The following SIK2 variants were observed in gnomAD, a reference collection of about 807,000 sequenced individuals.
SIK2 encodes the protein serine/threonine-protein kinase SIK2.
A neutral mutation model predicts 103.2 loss-of-function variants in SIK2; 29 were observed. That is an observed-to-expected ratio of 0.28 (90% CI 0.21 to 0.38). The LOEUF (loss-of-function observed/expected upper bound fraction) is 0.38, where lower values mean the gene tolerates loss of function less well. SIK2 is among the 10% of genes least tolerant of loss of function. SIK2 has a pLI of 1.00. For missense variants in SIK2, 879 were observed against 1,171.0 expected, an observed-to-expected ratio of 0.75 and a Z score of 3.64; for synonymous variants, 412 against 446.1, an observed-to-expected ratio of 0.92 and a Z score of 0.96.
At chr11:111,677,586 A>ATTTTT (rs11384906) in intron 3 of SIK2, among the ~76,000 whole-genome samples, 8 of 110,936 alleles carry the variant, frequency 7.2e-5, no homozygotes, top group African/African-American at 2.5e-4. Flanking sequence ...CCCAGCTAAA[A>ATTTTT]TTTTTTTTTT....
Position 111,727,853 on chromosome 11 carries a change from G to C in SIK2, c.*3724G>C, listed in dbSNP as rs547033191. 6.6e-6 allele frequency: 1 copy of C among 152,296 alleles called. No individual in the cohort carries two copies. The highest frequency in any genetic ancestry group is 2.4e-5 in the African/African-American group (1 of 41,454). 9.4% of individuals were successfully genotyped at this position (152,296 alleles called of 1,614,324 possible). On this transcript the variant is annotated 3_prime_UTR_variant, in exon 15 of 15. Transcript: ENST00000304987. ...TGGAGACATGCGGGCAGTTGAGGAT[G>C]CAAGGACACAGTGAGTGAGTGGCGC...
intron 3 of SIK2, among the ~76,000 whole-genome samples, chr11:111,667,352 A>G (rs1942558690): frequency 6.6e-6 from 1 of 152,194 alleles, no homozygotes; most frequent in African/African-American, 2.4e-5. Flanking sequence ...TGTGTGATGA[A>G]AAGGCAGTCT....
chr11:111,693,529 G>A (rs375146730), intron 4 of SIK2, among the ~76,000 whole-genome samples: 7 of 152,122 alleles, frequency 4.6e-5, no homozygotes, highest in Non-Finnish European at 1.0e-4. Flanking sequence ...TTTGGCCCTG[G>A]CTGTTCAGGC....
Position 111,722,525 on chromosome 11 carries a change from G to A in SIK2, c.2056-140G>A, listed in dbSNP as rs532099942. 69 of 775,416 alleles carry A rather than the reference G, an allele frequency of 8.9e-5. No individual in the cohort carries two copies. In the African/African-American group the frequency reaches 1.1e-3, roughly 13 times the overall value. 48.0% of individuals were successfully genotyped at this position (775,416 alleles called of 1,614,324 possible). A position where few individuals can be genotyped will look rare whatever the true frequency, so the allele number is the denominator to read the frequency against. On this transcript the variant is annotated intron_variant, in intron 13 of 14. Coordinates refer to ENST00000304987, the MANE Select transcript of SIK2 (RefSeq NM_015191.3). The surrounding 1 kb of genome is among the most constrained non-coding windows in gnomAD (Gnocchi z 4.4). ...GCCCGATGCTCTTTCAGGGTCTCAG[G>A]GAGTAAATGTCAGTCCCTTCACCCC...
At chr11:111,712,102 TATTC>T (rs1420876869) in intron 8 of SIK2, 105 bp from the exon 9 acceptor site, 4 of 1,146,918 alleles carry the variant, frequency 3.5e-6, no homozygotes, top group Non-Finnish European at 5.0e-6. Context: ...AATAAATAAA[TATTC>T]ATTCTTTAAT....
Position 111,720,998 on chromosome 11 carries a change from A to G in SIK2, c.1880A>G (p.Glu627Gly), listed in dbSNP as rs1315633023. ...TTGTTGTATGAACAAATAGGACCGGAGGCAGACCCTAACCTGGCGCCGGCG... is the reference window on the plus strand; with the variant it reads ...TTGTTGTATGAACAAATAGGACCGGGGGCAGACCCTAACCTGGCGCCGGCG... ...VQLLYEQIGP[E>G]ADPNLAPAAP... Residue 627 changes from glutamate to glycine, a missense_variant, in exon 12 of 15, where the codon GAG becomes GGG. By Grantham distance (98) the Glu-to-Gly change is moderately conservative. Around this residue, in one of 7 missense-constraint regions of SIK2, gnomAD observed 375 missense variants for 416.3 expected, o/e 0.90. Transcript: ENST00000304987. The G allele has an allele frequency of 1.2e-6, 2 of 1,614,100 alleles. No homozygotes were observed. The highest frequency in any genetic ancestry group is 1.3e-5 in the African/African-American group (1 of 74,918).
At chr11:111,714,852 G>A (rs185576441) in intron 9 of SIK2, among the ~76,000 whole-genome samples, 1 of 152,262 alleles carries the variant, frequency 6.6e-6, no homozygotes, top group Admixed American at 6.5e-5. Context: ...TCTGTCTGTG[G>A]TTGCTACTAC....
At position 111,718,476 on chromosome 11, in the gene SIK2, G is replaced by A. The variant is rs147403657; in HGVS notation, c.1267-1299G>A. Among the ~76,000 whole-genome samples, 760 of 152,262 alleles carry A rather than the reference G, an allele frequency of 5.0e-3. 9 individuals carry two copies. The highest frequency in any genetic ancestry group is 0.017 in the African/African-American group (705 of 41,530). The stretch of plus-strand genomic sequence containing the variant: ...TTACCACTCTTCCTCTTAAATGACC[G>A]CTCATCGCTTTAAAACCCTGTAATG... On this transcript the variant is annotated intron_variant, in intron 9 of 14. Coordinates refer to ENST00000304987, the MANE Select transcript of SIK2 (RefSeq NM_015191.3).
intron 3 of SIK2, among the ~76,000 whole-genome samples, chr11:111,684,392 T>C (rs141568266): frequency 1.3e-5 from 2 of 152,178 alleles, no homozygotes; most frequent in Admixed American, 6.5e-5. Context: ...GCCAAAAATC[T>C]CAAAAATCTT....
intron 1 of SIK2, among the ~76,000 whole-genome samples, chr11:111,603,873 T>G (rs1203868500): frequency 6.6e-6 from 1 of 152,240 alleles, no homozygotes; most frequent in Non-Finnish European, 1.5e-5. Context: ...GTAGGACTTC[T>G]TTTCAGAATG....
chr11:111,614,954 C>T (rs1014295707), intron 1 of SIK2, among the ~76,000 whole-genome samples: 1 of 151,974 alleles, frequency 6.6e-6, no homozygotes, highest in Non-Finnish European at 1.5e-5. Flanking sequence ...GCCTGGCCAA[C>T]GTGGTGAAAC....
In SIK2 at chr11:111,723,704, C is replaced by A. The variant is rs1476387695; in HGVS notation, c.2356C>A (p.Gln786Lys). Residue 786 changes from glutamine to lysine, a missense_variant, in exon 15 of 15, where the codon CAA becomes AAA. By Grantham distance (53) the Gln-to-Lys change is moderately conservative (BLOSUM62 1). Around this residue, in one of 7 missense-constraint regions of SIK2, gnomAD observed 375 missense variants for 416.3 expected, o/e 0.90. Transcript: ENST00000304987. ...PVLEPSSEQM[Q>K]YSPFLSQYQE... The stretch of plus-strand genomic sequence containing the variant: ...CCTGGAGCCTTCCTCCGAGCAGATG[C>A]AATACAGCCCTTTCCTCAGCCAGTA... 3 of 1,614,054 alleles carry A rather than the reference C, an allele frequency of 1.9e-6. No individual in the cohort carries two copies. Among genetic ancestry groups the A allele is most frequent in the Non-Finnish European group, 2.5e-6 (3 of 1,180,036 alleles).
At chr11:111,606,393 T>C (rs1487641962) in intron 1 of SIK2, among the ~76,000 whole-genome samples, 1 of 152,104 alleles carries the variant, frequency 6.6e-6, no homozygotes, top group East Asian at 1.9e-4. Flanking sequence ...CTTAACATTA[T>C]GGCACTAGTC....
intron 3 of SIK2, among the ~76,000 whole-genome samples, chr11:111,660,177 T>C (rs148863848): frequency 3.0e-3 from 451 of 152,206 alleles, no homozygotes; most frequent in African/African-American, 0.01. Flanking sequence ...TACCCATCAC[T>C]GGCCAGGGGG....
rs377711516 is a variant in SIK2, at chr11:111,723,795, C to T, written c.2447C>T (p.Thr816Met). The change falls in exon 15 of 15, where the codon ACG becomes ATG. Residue 816 changes from threonine to methionine, a missense_variant. By Grantham distance (81) the Thr-to-Met change is moderately conservative. This residue lies in a region of SIK2 where 375 missense variants were observed against 416.3 expected (regional missense o/e 0.90). Transcript: ENST00000304987. ...CCCCGGGCTGCTCCTCCTCTGCCCA[C>T]GCAGCTACAGCAGCAGCAGCCGCCA... ...SGPRAAPPLP[T>M]QLQQQQPPPP... The T allele has an allele frequency of 2.1e-4, 332 of 1,613,916 alleles. 6 individuals are homozygous for T. The South Asian group carries it at 3.2e-3, about 16-fold the overall frequency.
At chr11:111,612,863 G>A (rs1416126925) in intron 1 of SIK2, among the ~76,000 whole-genome samples, 3 of 147,990 alleles carry the variant, frequency 2.0e-5, no homozygotes, top group Non-Finnish European at 4.4e-5. Flanking sequence ...TTTTTCTTTA[G>A]AGAAGCATAA....
At chr11:111,698,169 G>A (rs1286989905) in intron 4 of SIK2, among the ~76,000 whole-genome samples, 1 of 152,138 alleles carries the variant, frequency 6.6e-6, no homozygotes, top group Non-Finnish European at 1.5e-5. Context: ...ACAGAAAATA[G>A]AAATAACTGC....
rs1258022552 is a variant in SIK2 at position 111,705,816 on chromosome 11, C to T, written c.1101+677C>T. ...TGCTTTAAGCTAATTAATCTGGTAG[C>T]ATTATGAAGGATGGGTCAGATAGAG... On this transcript the variant is annotated intron_variant, in intron 8 of 14. Coordinates refer to ENST00000304987, the MANE Select transcript of SIK2 (RefSeq NM_015191.3). This position sits in a 1 kb window ranked among gnomAD's most constrained non-coding sequence, Gnocchi z 4.3. Among the ~76,000 whole-genome samples, 1 of 152,086 alleles carries T rather than the reference C, an allele frequency of 6.6e-6. No individual in the cohort carries two copies. The highest frequency in any genetic ancestry group is 1.5e-5 in the Non-Finnish European group (1 of 68,032).
intron 3 of SIK2, among the ~76,000 whole-genome samples, chr11:111,620,686 C>G (rs992033804): frequency 5.3e-5 from 8 of 152,196 alleles, no homozygotes; most frequent in African/African-American, 1.7e-4. Flanking sequence ...TTCTTTTTAT[C>G]TTCCTTTTTA....
Sources: gnomAD v4.1 joint callset for allele counts (sites outside exome capture counted in the v4.1 genomes callset) on GRCh38, gnomAD v4.1.1 for gene constraint, gnomAD v4.1.1 regional missense constraint, Gnocchi (gnomAD v3.1) non-coding constraint, MANE v1.5 for transcripts, NCBI Gene and HGNC (gene_info 2026-07-23, HGNC 2026-07-21) for gene names.